The following ANO10 variants were observed in gnomAD, a reference collection of about 807,000 sequenced individuals.
ANO10 encodes anoctamin-10.
In ANO10, 77 loss-of-function variants were observed where a neutral mutation model predicts 74.7. That is an observed-to-expected ratio of 1.03 (90% CI 0.86 to 1.25). The LOEUF (loss-of-function observed/expected upper bound fraction) is 1.25. Ranked by LOEUF, ANO10 falls within the 50% of genes most tolerant of loss-of-function variation. ANO10 has a pLI of 0.00. For missense variants in ANO10, 721 were observed against 778.1 expected (o/e 0.93, Z 0.87); for synonymous variants, 279 against 284.9 (o/e 0.98, Z 0.21).
chr3:43,555,155 C>A, intron 10 of ANO10, 123 bp downstream of exon 10: 1 of 999,308 alleles, frequency 1.0e-6, no homozygotes, highest in Non-Finnish European at 1.5e-6. Context: ...TAGTTTGTAG[C>A]CAAACAAACA....
intron 11 of ANO10, among the ~76,000 whole-genome samples, chr3:43,442,691 TC>T (rs1333013895): frequency 1.3e-5 from 2 of 152,200 alleles, no homozygotes; most frequent in Non-Finnish European, 2.9e-5. Flanking sequence ...TCAGCAAACT[TC>T]TTAAAAGGCC....
upstream of ANO10, among the ~76,000 whole-genome samples, chr3:43,623,769 T>C (rs1464315542): frequency 1.3e-5 from 2 of 152,242 alleles, no homozygotes; most frequent in African/African-American, 4.8e-5. Flanking sequence ...GATGCTATCA[T>C]GGCAGCTCAC....
chr3:43,381,857 A>C (rs2091968694), intron 12 of ANO10, among the ~76,000 whole-genome samples: 1 of 152,240 alleles, frequency 6.6e-6, no homozygotes, highest in Admixed American at 6.5e-5. Context: ...AATCGAAATT[A>C]TGGCAAGTAC....
intron 1 of ANO10, among the ~76,000 whole-genome samples, chr3:43,612,298 T>C (rs2082872876): frequency 6.6e-6 from 1 of 151,646 alleles, no homozygotes. Flanking sequence ...CTTTGCAATC[T>C]GTCTCTAGTT....
chr3:43,596,167 C>T (rs558270803), intron 4 of ANO10, among the ~76,000 whole-genome samples: 31 of 152,212 alleles, frequency 2.0e-4, no homozygotes, highest in Admixed American at 9.2e-4. Context: ...GAATCAATAT[C>T]GTGAAAATAG....
chr3:43,671,292 C>G (rs931381624), intron 1 of ANO10, among the ~76,000 whole-genome samples: 1 of 152,144 alleles, frequency 6.6e-6, no homozygotes, highest in African/African-American at 2.4e-5. Context: ...CATCTCTATT[C>G]TCATGGAATT....
At chr3:43,667,295 T>C (rs1175364997) in intron 1 of ANO10, among the ~76,000 whole-genome samples, 2 of 152,176 alleles carry the variant, frequency 1.3e-5, no homozygotes, top group East Asian at 3.9e-4. Context: ...TTCACCATAT[T>C]GGTCAGGCTA....
intron 11 of ANO10, among the ~76,000 whole-genome samples, chr3:43,448,946 A>T (rs997013560): frequency 2.1e-5 from 3 of 146,294 alleles, no homozygotes; most frequent in African/African-American, 7.6e-5. Context: ...ATCTCGGCTC[A>T]TTGCAACTTC....
At chr3:43,680,996 G>A (rs1207457682) in intron 1 of ANO10, among the ~76,000 whole-genome samples, 7 of 152,268 alleles carry the variant, frequency 4.6e-5, no homozygotes, top group African/African-American at 7.2e-5. Context: ...AAAGACCATC[G>A]AGGCTAGGAG....
At chr3:43,406,379 T>G (rs911981963) in intron 12 of ANO10, among the ~76,000 whole-genome samples, 1 of 152,216 alleles carries the variant, frequency 6.6e-6, no homozygotes, top group Non-Finnish European at 1.5e-5. Flanking sequence ...CATCGAGCTA[T>G]AAATATCATG....
At chr3:43,540,310 G>A (rs372817751) in intron 11 of ANO10, among the ~76,000 whole-genome samples, 15 of 152,268 alleles carry the variant, frequency 9.9e-5, no homozygotes, top group East Asian at 9.6e-4. Context: ...TCTCTGCTGC[G>A]CCTAAATAAC....
chr3:43,556,508 C>T (rs1413580781), intron 9 of ANO10, among the ~76,000 whole-genome samples: 1 of 152,182 alleles, frequency 6.6e-6, no homozygotes, highest in Non-Finnish European at 1.5e-5. Context: ...ATGATAGCTA[C>T]ACGTTAACAC....
intron 3 of ANO10, among the ~76,000 whole-genome samples, chr3:43,599,446 A>G (rs1051771534): frequency 1.3e-5 from 2 of 152,180 alleles, no homozygotes; most frequent in African/African-American, 4.8e-5. Flanking sequence ...AAATTCAGGA[A>G]ATGAGGTTTC....
intron 12 of ANO10, among the ~76,000 whole-genome samples, chr3:43,376,323 G>A (rs376349513): frequency 5.9e-5 from 9 of 152,202 alleles, no homozygotes; most frequent in Middle Eastern, 3.2e-3. Context: ...ATCCTGATAT[G>A]AGCATGGAGA....
At chr3:43,497,761 T>G (rs1228591743) in intron 11 of ANO10, among the ~76,000 whole-genome samples, 1 of 152,196 alleles carries the variant, frequency 6.6e-6, no homozygotes, top group African/African-American at 2.4e-5. Flanking sequence ...GGGATTTGTA[T>G]ATTTCTGTGA....
chr3:43,418,708 G>A (rs1168085827), intron 12 of ANO10, among the ~76,000 whole-genome samples: 1 of 152,186 alleles, frequency 6.6e-6, no homozygotes, highest in Non-Finnish European at 1.5e-5. Flanking sequence ...CACACTTCCT[G>A]TGCGTCAGGA....
chr3:43,661,642 T>A (rs1346969607), intron 1 of ANO10, among the ~76,000 whole-genome samples: 2 of 152,156 alleles, frequency 1.3e-5, no homozygotes, highest in Non-Finnish European at 1.5e-5. Context: ...CCCATAGGTG[T>A]GCTGTATTTA....
Position 43,563,426 on chromosome 3 carries a change from T to G in ANO10, c.1294-2024A>C, listed in dbSNP as rs866496944. On this transcript the variant is annotated intron_variant, in intron 8 of 12. Transcript: ENST00000292246. Reference sequence around the variant, plus strand: ...AAAGAGTATGGCGAGAGGTTTTTTTTTTTTTTTTTTTGAGACATCTAAAAA... The same window carrying G: ...AAAGAGTATGGCGAGAGGTTTTTTTGTTTTTTTTTTTGAGACATCTAAAAA... Among the ~76,000 whole-genome samples the G allele has an allele frequency of 4.7e-4, 71 of 151,138 alleles. 2 individuals are homozygous for G. The East Asian group carries it at 0.012, about 25-fold the overall frequency.
At chr3:43,657,903 A>T (rs1458407582) in intron 1 of ANO10, among the ~76,000 whole-genome samples, 2 of 152,202 alleles carry the variant, frequency 1.3e-5, no homozygotes, top group South Asian at 4.1e-4. Context: ...AAACTTAAAG[A>T]TCTCAAAAAG....
Sources: gnomAD v4.1 joint callset for allele counts (sites outside exome capture counted in the v4.1 genomes callset) on GRCh38, gnomAD v4.1.1 for gene constraint, MANE v1.5 for transcripts, NCBI Gene and HGNC (gene_info 2026-07-23, HGNC 2026-07-21) for gene names.